The following AK5 variants were observed in gnomAD, a reference collection of about 807,000 sequenced individuals.
AK5 encodes adenylate kinase isoenzyme 5.
Under a neutral mutation model 69.5 loss-of-function variants are expected in AK5, and 27 were observed. That is an observed-to-expected ratio of 0.39 (90% confidence interval 0.29 to 0.54). The LOEUF (loss-of-function observed/expected upper bound fraction) is 0.54. Ranked by LOEUF, AK5 falls within the 20% of genes least tolerant of loss-of-function variation. AK5 has a pLI of 0.71. For missense variants in AK5, 531 were observed against 700.4 expected (o/e 0.76, Z 2.73); for synonymous variants, 260 against 244.4 (o/e 1.06, Z -0.60).
chr1:77,417,130 T>C (rs1470368949), intron 7 of AK5, among the ~76,000 whole-genome samples: 1 of 152,074 alleles, frequency 6.6e-6, no homozygotes, highest in Non-Finnish European at 1.5e-5. Flanking sequence ...AAAACTCGAG[T>C]TTTCAGGGAG....
chr1:77,441,995 G>A (rs533203462), intron 8 of AK5, among the ~76,000 whole-genome samples: 4 of 152,148 alleles, frequency 2.6e-5, no homozygotes, highest in African/African-American at 9.7e-5. Context: ...GGGAGGCAGG[G>A]CACAGCCCTG....
intron 13 of AK5, among the ~76,000 whole-genome samples, chr1:77,558,012 C>T (rs1423949307): frequency 2.0e-5 from 3 of 151,776 alleles, no homozygotes; most frequent in Non-Finnish European, 4.4e-5. Flanking sequence ...TTCAGAGGAG[C>T]TTGTATCACT....
chr1:77,518,763 C>T lies in AK5; in HGVS notation c.1311+36C>T. On this transcript the variant is annotated intron_variant, in intron 11 of 13. Transcript: ENST00000354567. ...TGGCCTGACCCACATTACTGCCTTT[C>T]CTGTCTGGGGAGACCTTTGGGGTTT... 1.9e-6 allele frequency: 3 copies of T among 1,606,264 alleles called. No homozygotes were observed. The South Asian group carries it at 3.3e-5, about 18-fold the overall frequency.
chr1:77,289,032 A>G (rs758678777), intron 2 of AK5, among the ~76,000 whole-genome samples: 2 of 152,194 alleles, frequency 1.3e-5, no homozygotes, highest in Non-Finnish European at 2.9e-5. Flanking sequence ...TACAATACCA[A>G]AGAGATTTTT....
intron 8 of AK5, among the ~76,000 whole-genome samples, chr1:77,481,806 GC>G (rs1655267920): frequency 6.6e-6 from 1 of 152,166 alleles, no homozygotes; most frequent in South Asian, 2.1e-4. Flanking sequence ...TCGAAATTTA[GC>G]CTGCAGTATG....
intron 6 of AK5, among the ~76,000 whole-genome samples, chr1:77,405,729 GAC>G (rs1196879906): frequency 6.6e-6 from 1 of 152,142 alleles, no homozygotes; most frequent in African/African-American, 2.4e-5. Flanking sequence ...AGCAGTGAAA[GAC>G]AGGAGACTGG....
chr1:77,313,892 A>G (rs754609285), intron 5 of AK5: 1 of 531,232 alleles, frequency 1.9e-6, no homozygotes, highest in East Asian at 5.5e-5. Flanking sequence ...GATTCTCCCT[A>G]AAGACACAGC....
rs1654434505 is a variant in AK5, at chr1:77,470,851, ATATATATATATATATATATATATAT to A, written c.1060-12464_1060-12440del. ...AATATATATATATATATATATATATATATATATATATATATATATATATATTTTTTTTTTTTTTTTTTTTTTTGAG... is the reference window on the plus strand; with the variant it reads ...AATATATATATATATATATATATATATTTTTTTTTTTTTTTTTTTTTTGAG... On this transcript the variant is annotated intron_variant, in intron 8 of 13. Coordinates refer to ENST00000354567, the MANE Select transcript of AK5 (RefSeq NM_174858.3). Among the ~76,000 whole-genome samples, 7 of 2,528 alleles carry A rather than the reference ATATATATATATATATATATATATAT, an allele frequency of 2.8e-3. 2 individuals carry two copies. Among genetic ancestry groups the A allele is most frequent in the Non-Finnish European group, 6.4e-3 (6 of 934 alleles). 1.7% of individuals were successfully genotyped at this position (2,528 alleles called of 152,430 possible). A position where few individuals can be genotyped will look rare whatever the true frequency, so the allele number is the denominator to read the frequency against.
chr1:77,337,949 A>G (rs2100373523), intron 5 of AK5, among the ~76,000 whole-genome samples: 1 of 150,984 alleles, frequency 6.6e-6, no homozygotes, highest in South Asian at 2.1e-4. Context: ...AGACATCTGA[A>G]CAATGTTTTC....
intron 6 of AK5, among the ~76,000 whole-genome samples, chr1:77,393,988 G>T (rs1345365817): frequency 6.6e-6 from 1 of 152,126 alleles, no homozygotes; most frequent in Non-Finnish European, 1.5e-5. Flanking sequence ...GTTGAGGTGG[G>T]CCTATCACTT....
intron 6 of AK5, among the ~76,000 whole-genome samples, chr1:77,343,498 G>A (rs149598607): frequency 1.3e-5 from 2 of 152,294 alleles, no homozygotes; most frequent in Admixed American, 6.5e-5. Context: ...GGTGAAATGA[G>A]AGAATATGTA....
intron 5 of AK5, among the ~76,000 whole-genome samples, chr1:77,331,922 G>A (rs562008912): frequency 1.5e-3 from 228 of 152,218 alleles, no homozygotes; most frequent in South Asian, 5.0e-3. Context: ...GTATGGAGAA[G>A]TTGAGTTTTT....
chr1:77,405,560 C>A (rs935708774), intron 6 of AK5, among the ~76,000 whole-genome samples: 1 of 152,072 alleles, frequency 6.6e-6, no homozygotes, highest in African/African-American at 2.4e-5. Flanking sequence ...AGTACCTAGA[C>A]CCCAGCAGAC....
chr1:77,549,166 G>A (rs1322512877), intron 13 of AK5, among the ~76,000 whole-genome samples: 1 of 151,952 alleles, frequency 6.6e-6, no homozygotes, highest in Non-Finnish European at 1.5e-5. Flanking sequence ...ATGAGCCACC[G>A]TGCCTGGCCT....
chr1:77,362,707 C>T (rs993278562), intron 6 of AK5, among the ~76,000 whole-genome samples: 1 of 152,146 alleles, frequency 6.6e-6, no homozygotes, highest in Admixed American at 6.5e-5. Flanking sequence ...TTTTACAAGT[C>T]ATCAGAAAAA....
chr1:77,484,807 T>C (rs755477305), intron 9 of AK5, among the ~76,000 whole-genome samples: 23 of 152,240 alleles, frequency 1.5e-4, no homozygotes, highest in Non-Finnish European at 2.4e-4. Flanking sequence ...AATGCATGTG[T>C]ATATATAAGT....
chr1:77,480,310 A>G (rs116066395), intron 8 of AK5, among the ~76,000 whole-genome samples: 569 of 152,336 alleles, frequency 3.7e-3, no homozygotes, highest in African/African-American at 0.013. Context: ...TGACAGTTGC[A>G]TCTATGTCCC....
intron 6 of AK5, among the ~76,000 whole-genome samples, chr1:77,387,821 T>C (rs909767875): frequency 6.6e-6 from 1 of 152,210 alleles, no homozygotes; most frequent in Non-Finnish European, 1.5e-5. Flanking sequence ...GGTATCTGAT[T>C]AGTAACATTT....
At chr1:77,287,301 A>G (rs886647967) in intron 2 of AK5, among the ~76,000 whole-genome samples, 174 bp downstream of exon 2, 1 of 152,236 alleles carries the variant, frequency 6.6e-6, no homozygotes. Context: ...TAAAAAGACA[A>G]ACAAAATTAT....
Sources: gnomAD v4.1 joint callset for allele counts (sites outside exome capture counted in the v4.1 genomes callset) on GRCh38, gnomAD v4.1.1 for gene constraint, MANE v1.5 for transcripts, NCBI Gene and HGNC (gene_info 2026-07-23, HGNC 2026-07-21) for gene names.